Variants in HIP1 observed in about 807,000 individuals in gnomAD.
HIP1 encodes the protein huntingtin interacting protein 1.
HIP1 carries 65 observed loss-of-function variants against 147.6 expected under a neutral mutation model. That is an observed-to-expected ratio of 0.44 (90% CI 0.36 to 0.54). HIP1 has a LOEUF of 0.54. HIP1 is among the 20% of genes least tolerant of loss of function. HIP1 has a pLI of 0.00. For synonymous variants in HIP1, 479 were observed against 504.0 expected (o/e 0.95, Z 0.67); for missense variants, 1,061 against 1,299.6 (o/e 0.82, Z 2.82).
chr7:75,694,501 CTTTCT>C (rs371878688), intron 1 of HIP1, among the ~76,000 whole-genome samples: 2,231 of 138,584 alleles, frequency 0.016, 51 homozygotes, highest in African/African-American at 0.057. Context: ...TCTTTTCTTT[CTTTCT>C]TTTTTTTTTT....
At chr7:75,544,450 T>G (rs371781739) in intron 27 of HIP1, among the ~76,000 whole-genome samples, 1 of 151,098 alleles carries the variant, frequency 6.6e-6, no homozygotes, top group East Asian at 1.9e-4. Flanking sequence ...TAGCCAAGTA[T>G]TCTCTAATCC....
At chr7:75,685,348 C>T (rs941112929) in intron 1 of HIP1, among the ~76,000 whole-genome samples, 19 of 152,070 alleles carry the variant, frequency 1.2e-4, no homozygotes, top group Non-Finnish European at 2.4e-4. Context: ...GTGCCCCAGC[C>T]GCTCCATCTA....
chr7:75,693,133 C>G (rs2117302816), intron 1 of HIP1, among the ~76,000 whole-genome samples: 1 of 151,172 alleles, frequency 6.6e-6, no homozygotes, highest in African/African-American at 2.4e-5. Flanking sequence ...CCACTGCACT[C>G]TAGCCTGGGT....
At chr7:75,671,887 A>G (rs1799739363) in intron 1 of HIP1, among the ~76,000 whole-genome samples, 1 of 152,060 alleles carries the variant, frequency 6.6e-6, no homozygotes, top group South Asian at 2.1e-4. Flanking sequence ...GCTACGCGTC[A>G]CCATGCCTGG....
intron 27 of HIP1, among the ~76,000 whole-genome samples, chr7:75,543,721 C>T (rs1794423504): frequency 6.6e-6 from 1 of 152,198 alleles, no homozygotes; most frequent in Admixed American, 6.5e-5. Context: ...CAACCTATTC[C>T]TTATTCGAGT....
rs1380449114 is a variant in HIP1, at chr7:75,696,628, TCTCA to T, written c.120+42169_120+42172del. On this transcript the variant is annotated intron_variant, in intron 1 of 30. Transcript: ENST00000336926. The stretch of plus-strand genomic sequence containing the variant: ...TCCCCTTCCCTTTTCTGAGACAGGG[TCTCA>T]CTCTGTTGCCCATGCCAGAGTGCAG... 2.1e-5 allele frequency among the ~76,000 whole-genome samples: 3 copies of T among 139,730 alleles called. No individual in the cohort carries two copies. The Admixed American group carries it at 2.2e-4, about 10-fold the overall frequency. 91.7% of individuals were successfully genotyped at this position (139,730 alleles called of 152,430 possible). A position where few individuals can be genotyped will look rare whatever the true frequency, so the allele number is the denominator to read the frequency against.
In HIP1 at chr7:75,579,235, A is replaced by G. The variant is rs1465285071; in HGVS notation, c.604+2002T>C. On this transcript the variant is annotated intron_variant, in intron 7 of 30. Coordinates refer to ENST00000336926, the MANE Select transcript of HIP1 (RefSeq NM_005338.7). ...TTTTTATTTCTCTACTGACTTTTGT[A>G]TAACACCCTGCTCAAATAGCTTCCT... Among the ~76,000 whole-genome samples the G allele has an allele frequency of 1.9e-4, 29 of 152,182 alleles. 1 individual carries two copies.
intron 29 of HIP1, among the ~76,000 whole-genome samples, chr7:75,540,719 A>AT (rs199745095): frequency 2.6e-5 from 4 of 151,712 alleles, no homozygotes; most frequent in Non-Finnish European, 5.9e-5. Flanking sequence ...AACTATGTCA[A>AT]TTTTTTTTTA....
chr7:75,661,434 G>A (rs185516381), intron 1 of HIP1, among the ~76,000 whole-genome samples: 2 of 151,678 alleles, frequency 1.3e-5, no homozygotes, highest in East Asian at 1.9e-4. Context: ...TTAGCCGGGC[G>A]TGGTGGCGCA....
chr7:75,724,039 C>T (rs1801581155), intron 1 of HIP1, among the ~76,000 whole-genome samples: 1 of 152,114 alleles, frequency 6.6e-6, no homozygotes, highest in Non-Finnish European at 1.5e-5. Context: ...TCACTGCAAC[C>T]TCCGCCCCCG....
intron 1 of HIP1, among the ~76,000 whole-genome samples, chr7:75,683,890 G>T (rs1180504032): frequency 8.4e-5 from 8 of 94,892 alleles, no homozygotes; most frequent in Non-Finnish European, 1.8e-4. Flanking sequence ...CAGCCAACCA[G>T]CTACATGAAT....
intron 1 of HIP1, among the ~76,000 whole-genome samples, chr7:75,676,147 T>C (rs1799878162): frequency 6.6e-6 from 1 of 152,200 alleles, no homozygotes; most frequent in Non-Finnish European, 1.5e-5. Flanking sequence ...TTAGTGACTT[T>C]CCTCATAATT....
At chr7:75,619,026 T>C (rs1797756617) in intron 1 of HIP1, among the ~76,000 whole-genome samples, 1 of 152,092 alleles carries the variant, frequency 6.6e-6, no homozygotes, top group Non-Finnish European at 1.5e-5. Flanking sequence ...AAGAAAGCCT[T>C]TGGTCAGTGG....
chr7:75,695,308 G>A (rs1028269499), intron 1 of HIP1, among the ~76,000 whole-genome samples: 5 of 152,122 alleles, frequency 3.3e-5, no homozygotes, highest in African/African-American at 9.7e-5. Flanking sequence ...CTGCAGAGAC[G>A]TATCCTCTGA....
At chr7:75,556,923 G>C in intron 16 of HIP1, 112 bp from the exon 17 acceptor site, 1 of 669,686 alleles carries the variant, frequency 1.5e-6, no homozygotes, top group African/African-American at 1.8e-5. Flanking sequence ...TCTACTGTAT[G>C]TAAGTTACAC....
At chr7:75,716,561 C>T (rs1801326425) in intron 1 of HIP1, among the ~76,000 whole-genome samples, 1 of 150,610 alleles carries the variant, frequency 6.6e-6, no homozygotes, top group Non-Finnish European at 1.5e-5. Context: ...GCTCTGTCAC[C>T]CAGGCTGGAG....
rs182489814 is a variant in HIP1 at position 75,639,632 on chromosome 7, C to A, written c.121-40385G>T. Among the ~76,000 whole-genome samples, 3 of 149,684 alleles carry A rather than the reference C, an allele frequency of 2.0e-5. No individual in the cohort carries two copies. The East Asian group carries it at 5.9e-4, about 30-fold the overall frequency. On this transcript the variant is annotated intron_variant, in intron 1 of 30. Transcript: ENST00000336926. ...GTGCAGGCGTGCGTGTGCATGCATG[C>A]GTGTGTTTTGGTGGTGGGATCAGTG...
chr7:75,563,534 A>G, intron 9 of HIP1: 1 of 486,724 alleles, frequency 2.1e-6, no homozygotes, highest in South Asian at 2.7e-5. Flanking sequence ...TCATTGCTGT[A>G]GAACACATGT....
At chr7:75,630,458 C>CAA (rs34336932) in intron 1 of HIP1, among the ~76,000 whole-genome samples, 149 of 105,226 alleles carry the variant, frequency 1.4e-3, no homozygotes, top group Non-Finnish European at 2.2e-3. Context: ...AGATCCACCT[C>CAA]AAAAAAAAAA....
Sources: gnomAD v4.1 joint callset for allele counts (sites outside exome capture counted in the v4.1 genomes callset) on GRCh38, gnomAD v4.1.1 for gene constraint, MANE v1.5 for transcripts, NCBI Gene and HGNC (gene_info 2026-07-23, HGNC 2026-07-21) for gene names.